The following TDRD1 variants were observed in gnomAD, a reference collection of about 807,000 sequenced individuals.
The protein encoded by TDRD1 is tudor domain-containing protein 1.
Under a neutral mutation model 140.6 loss-of-function variants are expected in TDRD1, and 37 were observed. The observed-to-expected ratio is 0.26, with a 90% confidence interval of 0.20 to 0.35. The LOEUF is 0.35. TDRD1 is among the 10% of genes least tolerant of loss of function. TDRD1 has a pLI of 1.00. For missense variants in TDRD1, 1,243 were observed against 1,393.0 expected (o/e 0.89, Z 1.71); for synonymous variants, 506 against 475.7 (o/e 1.06, Z -0.83).
intron 13 of TDRD1, 74 bp from the exon 14 acceptor site, chr10:114,211,792 A>G: frequency 7.3e-7 from 1 of 1,369,620 alleles, no homozygotes. Context: ...ACCATCTCTA[A>G]GTTGAGGAAG....
intron 4 of TDRD1, 34 bp from the exon 5 acceptor site, chr10:114,201,376 T>G: frequency 1.3e-6 from 2 of 1,544,218 alleles, no homozygotes; most frequent in Non-Finnish European, 1.8e-6. Context: ...GTCTTGATCT[T>G]CATCTGAACT....
At chr10:114,224,676 TTTTTG>T (rs2036334685) in intron 21 of TDRD1, among the ~76,000 whole-genome samples, 1 of 152,224 alleles carries the variant, frequency 6.6e-6, no homozygotes, top group African/African-American at 2.4e-5. Context: ...TCAATAGCTT[TTTTTG>T]TTTTGTTTTT....
chr10:114,176,183 A>C (rs1334316777), upstream of TDRD1, among the ~76,000 whole-genome samples: 1 of 152,156 alleles, frequency 6.6e-6, no homozygotes, highest in East Asian at 1.9e-4. This position sits in a 1 kb window ranked among gnomAD's most constrained non-coding sequence, Gnocchi z 4.2. Flanking sequence ...ATATCCTCCA[A>C]AGTGAAACAA....
chr10:114,202,158 G>A, intron 5 of TDRD1, 80 bp from the exon 6 acceptor site: 2 of 1,116,236 alleles, frequency 1.8e-6, no homozygotes, highest in Non-Finnish European at 2.6e-6. Flanking sequence ...TGTTCATTGA[G>A]AATACCATAA....
chr10:114,228,199 G>A (rs1365714964), intron 25 of TDRD1: 15 of 1,490,258 alleles, frequency 1.0e-5, no homozygotes, highest in Non-Finnish European at 1.2e-5. Context: ...ATATTGGCAG[G>A]ATAGAGCTAA....
chr10:114,211,862 T>G lies in TDRD1; in HGVS notation c.1661-4T>G, dbSNP rs767238702. On this transcript the variant is annotated splice_region_variant and splice_polypyrimidine_tract_variant and intron_variant, in intron 13 of 25. Coordinates refer to ENST00000251864, the Ensembl canonical transcript of TDRD1. ...ATTTGAGATTGAGTCTCTCCCTTTT[T>G]CAGAGGATGATCAGTGGTACCGTGC... The G allele has an allele frequency of 4.6e-6, 7 of 1,517,558 alleles. No individual in the cohort carries two copies. The East Asian group carries it at 1.8e-4, about 38-fold the overall frequency. 94.0% of individuals were successfully genotyped at this position (1,517,558 alleles called of 1,614,324 possible). A position where few individuals can be genotyped will look rare whatever the true frequency, so the allele number is the denominator to read the frequency against.
chr10:114,208,720 G>A (rs2035287091), intron 11 of TDRD1, among the ~76,000 whole-genome samples: 1 of 151,806 alleles, frequency 6.6e-6, no homozygotes, highest in African/African-American at 2.4e-5. Context: ...CTTCTTAGTA[G>A]TTACTTAACT....
chr10:114,227,996 G>A (rs372144794), intron 24 of TDRD1, 40 bp downstream of exon 24: 79 of 1,611,488 alleles, frequency 4.9e-5, no homozygotes, highest in South Asian at 9.9e-5. Flanking sequence ...TACTCCTAAC[G>A]TTTTTAGAAA....
At position 114,201,397 on chromosome 10, in the gene TDRD1, T is replaced by C; in HGVS notation, c.530-13T>C. ...ATCTTCATCTGAACTATTTTGTGGG[T>C]GGTGTTTTCTAGGATCGCTGAGGTG... On this transcript the variant is annotated splice_polypyrimidine_tract_variant and intron_variant, in intron 4 of 25. Transcript: ENST00000251864. 1 of 1,606,612 alleles carries C rather than the reference T, an allele frequency of 6.2e-7. No homozygotes were observed. Among genetic ancestry groups the C allele is most frequent in the Non-Finnish European group, 8.5e-7 (1 of 1,173,396 alleles).
intron 11 of TDRD1, among the ~76,000 whole-genome samples, chr10:114,206,609 T>G (rs2035123853): frequency 7.2e-6 from 1 of 138,132 alleles, no homozygotes; most frequent in African/African-American, 2.8e-5. Context: ...GAGTTAGGGT[T>G]TGTTTTTTTT....
chr10:114,176,652 T>C (rs1017831232), upstream of TDRD1, among the ~76,000 whole-genome samples: 1 of 152,190 alleles, frequency 6.6e-6, no homozygotes, highest in South Asian at 2.1e-4. The surrounding 1 kb of genome is among the most constrained non-coding windows in gnomAD (Gnocchi z 4.2). Context: ...GCACTATGGC[T>C]CACACTTGTA....
chr10:114,206,432 C>T (rs1055410047), intron 11 of TDRD1, 102 bp downstream of exon 11: 17 of 785,712 alleles, frequency 2.2e-5, no homozygotes, highest in African/African-American at 8.7e-5. Flanking sequence ...GACTTGTTAA[C>T]GATAAACATC....
chr10:114,182,137 G>A (rs773652245), intron 1 of TDRD1, among the ~76,000 whole-genome samples: 38 of 152,196 alleles, frequency 2.5e-4, no homozygotes, highest in African/African-American at 8.7e-4. Context: ...CTGCCAACCC[G>A]TGTCTGGAAT....
rs1476834008 is a variant in TDRD1, at chr10:114,221,234, T to A, written c.2771-123T>A. On this transcript the variant is annotated intron_variant, in intron 19 of 25. Transcript: ENST00000251864. ...TTGTGAAAAAATACAGATTTTTATT[T>A]TGGGGATTTGGAAATGTTGATAATC... 4 of 1,026,008 alleles carry A rather than the reference T, an allele frequency of 3.9e-6. No homozygotes were observed. The Admixed American group carries it at 1.0e-4, about 27-fold the overall frequency. 63.6% of individuals were successfully genotyped at this position (1,026,008 alleles called of 1,614,324 possible).
At chr10:114,214,042 C>A in exon 16 of TDRD1, 1 of 1,613,194 alleles carries the variant, frequency 6.2e-7, no homozygotes, top group Non-Finnish European at 8.5e-7. Flanking sequence ...TGGTGTTGAC[C>A]AAACAGTAGA....
At position 114,203,186 on chromosome 10, in the gene TDRD1, T is replaced by G. The variant is rs750480766; in HGVS notation, c.801+10T>G. 2 of 1,595,870 alleles carry G rather than the reference T, an allele frequency of 1.3e-6. No individual in the cohort carries two copies. The highest frequency in any genetic ancestry group is 2.7e-5 in the African/African-American group (2 of 74,488). ...AACCATGGAAATAAAGGTATTTGTT[T>G]TTCTTCAATCTCCATAGACACAGAT... is the stretch of plus-strand genomic sequence containing the variant. On this transcript the variant is annotated intron_variant, in intron 7 of 25. Coordinates refer to ENST00000251864, the Ensembl canonical transcript of TDRD1.
chr10:114,186,582 A>G (rs1474834649), intron 1 of TDRD1, among the ~76,000 whole-genome samples: 1 of 152,012 alleles, frequency 6.6e-6, no homozygotes, highest in African/African-American at 2.4e-5. Flanking sequence ...TTCTTTTGTA[A>G]TTGAACGACA....
In TDRD1 at chr10:114,226,140, G is replaced by C. The variant is rs749865274; in HGVS notation, c.3099G>C (p.Leu1033=). The C allele has an allele frequency of 1.3e-5, 21 of 1,613,902 alleles. No homozygotes were observed. In the Admixed American group the frequency reaches 3.5e-4, roughly 27 times the overall value. Residue 1033 remains leucine, a synonymous_variant, in exon 22 of 26, where the codon CTG becomes CTC. Transcript: ENST00000251864. ...CAGACTATGGAAACATTGAAACCCT[G>C]CCTCTTTGCAGAGTGCAACCAATCA...
intron 2 of TDRD1, among the ~76,000 whole-genome samples, chr10:114,189,891 T>C (rs924060553): frequency 3.9e-5 from 6 of 152,260 alleles, no homozygotes; most frequent in African/African-American, 1.4e-4. Flanking sequence ...GAATCCAAAG[T>C]GCGGGATAAT....
Sources: allele counts gnomAD v4.1 joint callset (sites outside exome capture counted in the v4.1 genomes callset), GRCh38; gene constraint gnomAD v4.1.1; non-coding constraint Gnocchi (gnomAD v3.1); transcripts MANE v1.5; gene names NCBI Gene and HGNC (gene_info 2026-07-23, HGNC 2026-07-21).